The following ZNF362 variants were observed in gnomAD, a reference collection of about 807,000 sequenced individuals.
ZNF362 encodes rotund homolog.
ZNF362 carries 11 observed loss-of-function variants against 42.9 expected under a neutral mutation model. The ratio of observed to expected loss-of-function variants is 0.26; its 90% CI spans 0.16 to 0.42. ZNF362 has a LOEUF of 0.42. ZNF362 is among the 20% of genes least tolerant of loss of function. The pLI, the probability that ZNF362 is intolerant of heterozygous loss-of-function variation, is 1.00. For synonymous variants in ZNF362, 255 were observed against 257.3 expected, an observed-to-expected ratio of 0.99 and a Z score of 0.09; for missense variants, 362 against 576.2, an observed-to-expected ratio of 0.63 and a Z score of 3.81.
the ZNF362 span, among the ~76,000 whole-genome samples, chr1:33,194,143 GGAGA>G: frequency 2.5e-4 from 38 of 152,226 alleles, no homozygotes; most frequent in African/African-American, 3.4e-4. Context: ...AGACACAGAT[GGAGA>G]GAGAGAATTA....
At chr1:33,135,310 A>G in the ZNF362 span, among the ~76,000 whole-genome samples, 1 of 151,806 alleles carries the variant, frequency 6.6e-6, no homozygotes, top group Non-Finnish European at 1.5e-5. Context: ...AAACAAACAA[A>G]CCAAACAAAA....
At chr1:33,189,719 A>ATATATATATATATAT in the ZNF362 span, among the ~76,000 whole-genome samples, 1 of 119,564 alleles carries the variant, frequency 8.4e-6, no homozygotes, top group South Asian at 2.8e-4. Context: ...GTATATATAT[A>ATATATATATATATAT]CATACACACA....
the ZNF362 span, among the ~76,000 whole-genome samples, chr1:33,243,426 T>G: frequency 1.6e-4 from 24 of 151,878 alleles, no homozygotes; most frequent in Admixed American, 1.6e-3. Context: ...CCTCAGGTGA[T>G]CCGCCTGCCT....
chr1:33,251,044 G>T, the ZNF362 span, among the ~76,000 whole-genome samples: 2 of 152,312 alleles, frequency 1.3e-5, no homozygotes, highest in African/African-American at 4.8e-5. Context: ...GCTGAAAGAA[G>T]TATTTCCAAA....
the ZNF362 span, among the ~76,000 whole-genome samples, chr1:33,158,656 T>C: frequency 6.6e-6 from 1 of 152,166 alleles, no homozygotes; most frequent in Non-Finnish European, 1.5e-5. Flanking sequence ...TCGGTCACGG[T>C]CAATGCCAAA....
the ZNF362 span, among the ~76,000 whole-genome samples, chr1:33,175,500 C>G: frequency 2.6e-5 from 4 of 152,142 alleles, no homozygotes; most frequent in Non-Finnish European, 5.9e-5. Flanking sequence ...TGGTCTAACC[C>G]TGGGCAAGGC....
At chr1:33,213,628 C>T in the ZNF362 span, among the ~76,000 whole-genome samples, 1 of 152,040 alleles carries the variant, frequency 6.6e-6, no homozygotes, top group African/African-American at 2.4e-5. Flanking sequence ...GGGTGGATCA[C>T]GATGTCAAGA....
the ZNF362 span, among the ~76,000 whole-genome samples, chr1:33,176,224 A>G: frequency 2.7e-4 from 41 of 152,136 alleles, no homozygotes; most frequent in African/African-American, 9.6e-4. Context: ...ATATTTAGCA[A>G]CTCTTTCTCT....
At chr1:33,223,544 C>G in the ZNF362 span, among the ~76,000 whole-genome samples, 1 of 152,214 alleles carries the variant, frequency 6.6e-6, no homozygotes, top group Non-Finnish European at 1.5e-5. Flanking sequence ...TCCTTCATAG[C>G]ACTTTTCAGA....
At chr1:33,189,773 G>A in the ZNF362 span, among the ~76,000 whole-genome samples, 449 of 145,180 alleles carry the variant, frequency 3.1e-3, 18 homozygotes, top group East Asian at 0.081. Context: ...CCTCTGCTTT[G>A]GGTGACCCTC....
chr1:33,167,407 A>G, the ZNF362 span, among the ~76,000 whole-genome samples: 1 of 152,270 alleles, frequency 6.6e-6, no homozygotes, highest in East Asian at 1.9e-4. This position sits in a 1 kb window ranked among gnomAD's most constrained non-coding sequence, Gnocchi z 4.2. Context: ...TGGGTTGTGG[A>G]GGTGAGTGCT....
chr1:33,262,542 T>C (rs773206618), intron 1 of ZNF362, among the ~76,000 whole-genome samples: 146 of 152,058 alleles, frequency 9.6e-4, no homozygotes, highest in Non-Finnish European at 9.7e-4. Flanking sequence ...CTCCTGACCT[T>C]GTGATCCATC....
At chr1:33,246,778 C>A in the ZNF362 span, among the ~76,000 whole-genome samples, 1 of 152,216 alleles carries the variant, frequency 6.6e-6, no homozygotes, top group Non-Finnish European at 1.5e-5. Context: ...CTGTGACTGG[C>A]CCCTTCTCTT....
chr1:33,177,063 ACATG>A, the ZNF362 span, among the ~76,000 whole-genome samples: 78 of 64,210 alleles, frequency 1.2e-3, no homozygotes, highest in East Asian at 0.018. The surrounding 1 kb of genome is among the most constrained non-coding windows in gnomAD (Gnocchi z 4.1). Flanking sequence ...ACACACACAC[ACATG>A]CACACACACA....
At chr1:33,141,352 A>G in the ZNF362 span, among the ~76,000 whole-genome samples, 1 of 151,710 alleles carries the variant, frequency 6.6e-6, no homozygotes, top group East Asian at 1.9e-4. Flanking sequence ...CAGTTAGTCA[A>G]TCTCCCTCCC....
the ZNF362 span, among the ~76,000 whole-genome samples, chr1:33,203,573 G>A: frequency 2.0e-5 from 3 of 152,128 alleles, no homozygotes; most frequent in East Asian, 1.9e-4. Context: ...TGGCTGTACC[G>A]ATCTACATTC....
the ZNF362 span, chr1:33,181,150 C>T: frequency 6.3e-7 from 1 of 1,599,990 alleles, no homozygotes; most frequent in Non-Finnish European, 8.5e-7. This position sits in a 1 kb window ranked among gnomAD's most constrained non-coding sequence, Gnocchi z 6.5. Flanking sequence ...TTGTCGTGCG[C>T]CTGGCAGGGT....
upstream of ZNF362, among the ~76,000 whole-genome samples, chr1:33,255,705 G>T (rs1204684130): frequency 6.6e-6 from 1 of 152,170 alleles, no homozygotes; most frequent in Non-Finnish European, 1.5e-5. Flanking sequence ...TCGGGGATCC[G>T]GCCTAGGGCT....
chr1:33,165,614 C>A, the ZNF362 span: 1 of 1,523,316 alleles, frequency 6.6e-7, no homozygotes, highest in African/African-American at 1.4e-5. This position sits in a 1 kb window ranked among gnomAD's most constrained non-coding sequence, Gnocchi z 4.0. Flanking sequence ...ATGCCTGGCC[C>A]AGGCATTCAG....
Sources: allele counts gnomAD v4.1 joint callset (sites outside exome capture counted in the v4.1 genomes callset), GRCh38; gene constraint gnomAD v4.1.1; non-coding constraint Gnocchi (gnomAD v3.1); transcripts MANE v1.5; gene names NCBI Gene and HGNC (gene_info 2026-07-23, HGNC 2026-07-21).